The following ZNF644 variants were observed in gnomAD, a reference collection of about 807,000 sequenced individuals.
The protein encoded by ZNF644 is zinc finger protein 644, also known as zinc finger motif enhancer binding protein 2.
Under a neutral mutation model 108.0 loss-of-function variants are expected in ZNF644, and 20 were observed. The ratio of observed to expected loss-of-function variants is 0.19; its 90% CI spans 0.13 to 0.27. The LOEUF (loss-of-function observed/expected upper bound fraction) is 0.27. ZNF644 is among the 10% of genes least tolerant of loss of function. The pLI is 1.00. For missense variants in ZNF644, 1,338 were observed against 1,548.9 expected (o/e 0.86, Z 2.29); for synonymous variants, 542 against 539.1 (o/e 1.01, Z -0.08).
At position 90,940,631 on chromosome 1, in the gene ZNF644, T is replaced by C; in HGVS notation, c.723A>G (p.Val241=). The C allele has an allele frequency of 6.2e-7, 1 of 1,614,084 alleles. No homozygotes were observed. The highest frequency in any genetic ancestry group is 1.3e-5 in the African/African-American group (1 of 75,050). Residue 241 remains valine (V), a synonymous_variant, in exon 3 of 6, where the codon GTA becomes GTG. Coordinates refer to ENST00000337393, the MANE Select transcript of ZNF644 (RefSeq NM_201269.3). ...CATCTGTACCTGAGGAAATTCCCGT[T>C]ACTGTATTGACACAATCATCTTTCA... The part of the protein sequence containing the change: ...LLVKDDCVNT[V]TGISSGTDGF...
intron 2 of ZNF644, among the ~76,000 whole-genome samples, chr1:90,962,116 A>C (rs1654393248): frequency 6.6e-6 from 1 of 152,134 alleles, no homozygotes; most frequent in South Asian, 2.1e-4. Flanking sequence ...GAACTATAAG[A>C]CCTAATATCA....
intron 2 of ZNF644, among the ~76,000 whole-genome samples, chr1:90,981,273 C>G (rs369963869): frequency 1.8e-4 from 27 of 152,140 alleles, no homozygotes; most frequent in African/African-American, 6.5e-4. Context: ...TTCTACACAA[C>G]AAGAGGAGGT....
At chr1:91,008,345 G>A (rs1052458847) in intron 1 of ZNF644, among the ~76,000 whole-genome samples, 1 of 152,128 alleles carries the variant, frequency 6.6e-6, no homozygotes, top group East Asian at 1.9e-4. Flanking sequence ...AATTCCTGAA[G>A]CATTCCAGGG....
chr1:91,009,154 T>A (rs1659712185), intron 1 of ZNF644, among the ~76,000 whole-genome samples: 1 of 152,136 alleles, frequency 6.6e-6, no homozygotes, highest in African/African-American at 2.4e-5. Context: ...GGGGAAAGAC[T>A]TAGTGCCAGC....
intron 4 of ZNF644, 23 bp downstream of exon 4, chr1:90,937,457 TATAGC>T (rs755107175): frequency 2.4e-5 from 39 of 1,613,208 alleles, no homozygotes; most frequent in Non-Finnish European, 3.2e-5. Flanking sequence ...TTAAACTGTG[TATAGC>T]ATAGTCATAA....
chr1:90,963,564 C>T lies in ZNF644; in HGVS notation c.44+18746G>A, dbSNP rs1487106115. 2.6e-5 allele frequency among the ~76,000 whole-genome samples: 4 copies of T among 152,192 alleles called. No individual in the cohort carries two copies. In the East Asian group the frequency reaches 7.7e-4, roughly 29 times the overall value. ...CACAGCAGCATTATTCAGCCCAAAC[C>T]TCCTACAGTAACATGACAAATTGTG... On this transcript the variant is annotated intron_variant, in intron 2 of 5. Coordinates refer to ENST00000337393, the MANE Select transcript of ZNF644 (RefSeq NM_201269.3).
At chr1:90,981,950 A>G (rs1011187016) in intron 2 of ZNF644, among the ~76,000 whole-genome samples, 2 of 152,118 alleles carry the variant, frequency 1.3e-5, no homozygotes, top group Admixed American at 1.3e-4. Flanking sequence ...AACAAAGGAG[A>G]GAACAATGAA....
chr1:90,965,818 C>T (rs1393517164), intron 2 of ZNF644, among the ~76,000 whole-genome samples: 2 of 152,074 alleles, frequency 1.3e-5, no homozygotes, highest in Non-Finnish European at 2.9e-5. Context: ...GGCATGATCT[C>T]GGCTCACTGA....
chr1:90,998,611 G>A (rs1007309269), intron 1 of ZNF644, among the ~76,000 whole-genome samples: 1 of 152,204 alleles, frequency 6.6e-6, no homozygotes, highest in African/African-American at 2.4e-5. Flanking sequence ...GAACAGAGCA[G>A]AAAAGCTGAA....
chr1:90,947,518 T>C (rs114374032), intron 2 of ZNF644, among the ~76,000 whole-genome samples: 252 of 152,282 alleles, frequency 1.7e-3, no homozygotes, highest in African/African-American at 5.8e-3. Context: ...TGTGTCAACT[T>C]TGCCCTCCAC....
At position 90,916,634 on chromosome 1, in the gene ZNF644, A is replaced by G; in HGVS notation, c.*164T>C. 1.4e-6 allele frequency: 1 copy of G among 719,438 alleles called. No homozygotes were observed. 44.6% of individuals were successfully genotyped at this position (719,438 alleles called of 1,614,324 possible). A position where few individuals can be genotyped will look rare whatever the true frequency, so the allele number is the denominator to read the frequency against. On this transcript the variant is annotated 3_prime_UTR_variant, in exon 6 of 6. Transcript: ENST00000337393. ...CCACCCTATATAAAATATATAGACT[A>G]CTTACTGTTTTAAGTATTCAATTTG...
intron 2 of ZNF644, 86 bp downstream of exon 2, chr1:90,982,224 A>T (rs1454724379): frequency 1.8e-6 from 2 of 1,136,124 alleles, no homozygotes; most frequent in East Asian, 4.7e-5. Context: ...TTTGGTTCTG[A>T]ACTCAACACC....
intron 1 of ZNF644, among the ~76,000 whole-genome samples, chr1:91,019,081 C>T (rs909562751): frequency 2.4e-4 from 37 of 152,078 alleles, no homozygotes; most frequent in African/African-American, 8.7e-4. Flanking sequence ...ACTTTTAAAA[C>T]CTTAAAACAA....
intron 1 of ZNF644, chr1:91,020,408 G>A (rs1235304116): frequency 2.6e-5 from 4 of 152,196 alleles, no homozygotes; most frequent in Non-Finnish European, 4.4e-5. Flanking sequence ...TGTACTTCAT[G>A]AGTTAATACC....
intron 4 of ZNF644, among the ~76,000 whole-genome samples, chr1:90,929,774 C>T (rs1300771053): frequency 6.6e-5 from 10 of 152,068 alleles, no homozygotes; most frequent in Non-Finnish European, 1.5e-5. Flanking sequence ...TCCTGTGTGG[C>T]CAATTATATC....
chr1:90,924,996 C>A (rs533399792), intron 4 of ZNF644, among the ~76,000 whole-genome samples: 2 of 152,280 alleles, frequency 1.3e-5, no homozygotes, highest in East Asian at 3.9e-4. Context: ...TAAAACATTA[C>A]CTAAAATTTA....
chr1:90,927,188 T>C (rs1650140126), intron 4 of ZNF644, among the ~76,000 whole-genome samples: 1 of 152,034 alleles, frequency 6.6e-6, no homozygotes, highest in Non-Finnish European at 1.5e-5. Flanking sequence ...CCTCTTTCTC[T>C]GAAATTCCAC....
Position 90,939,589 on chromosome 1 carries a change from T to C in ZNF644, c.1765A>G (p.Lys589Glu). Reference protein sequence around the residue: ...SSKKSATYICKMCPFTTSAKS... With the variant: ...SSKKSATYICEMCPFTTSAKS... Reference sequence around the variant, plus strand: ...GCTGAAGTAGTAAAAGGACACATCTTACATATGTAGGTAGCTGATTTTTTG... The same window carrying C: ...GCTGAAGTAGTAAAAGGACACATCTCACATATGTAGGTAGCTGATTTTTTG... The change falls in exon 3 of 6, where the codon AAG becomes GAG. Residue 589 changes from lysine to glutamate, a missense_variant. By Grantham distance (56) the Lys-to-Glu change is moderately conservative. Transcript: ENST00000337393. 2.5e-6 allele frequency: 4 copies of C among 1,614,064 alleles called. No individual in the cohort carries two copies. The highest frequency in any genetic ancestry group is 3.4e-6 in the Non-Finnish European group (4 of 1,179,924).
intron 1 of ZNF644, among the ~76,000 whole-genome samples, chr1:91,003,423 T>C (rs930585381): frequency 2.6e-5 from 4 of 151,986 alleles, no homozygotes; most frequent in Non-Finnish European, 4.4e-5. Flanking sequence ...CAGCAAACTA[T>C]TGCAAGGACA....
Sources: allele counts gnomAD v4.1 joint callset (sites outside exome capture counted in the v4.1 genomes callset), GRCh38; gene constraint gnomAD v4.1.1; transcripts MANE v1.5; gene names NCBI Gene and HGNC (gene_info 2026-07-23, HGNC 2026-07-21).